CHL1: variants seen among roughly 807,000 people sequenced by gnomAD.
CHL1 encodes the protein cell adhesion molecule L1 like.
Under a neutral mutation model 141.9 loss-of-function variants are expected in CHL1, and 96 were observed. The observed-to-expected ratio is 0.68, with a 90% CI of 0.57 to 0.80. The LOEUF is 0.80. Ranked by LOEUF, CHL1 falls within the 30% of genes least tolerant of loss-of-function variation. The pLI is 0.00. For synonymous variants in CHL1, 613 were observed against 502.2 expected, an observed-to-expected ratio of 1.22 and a Z score of -2.95; for missense variants, 1,820 against 1,457.2, an observed-to-expected ratio of 1.25 and a Z score of -4.05.
chr3:317,690 G>C (rs530043614), intron 2 of CHL1, among the ~76,000 whole-genome samples: 1 of 150,634 alleles, frequency 6.6e-6, no homozygotes, highest in Non-Finnish European at 1.5e-5. Flanking sequence ...AATTCGAAGG[G>C]GCAGGGCATT....
At chr3:215,404 A>G (rs2124935363) in intron 1 of CHL1, among the ~76,000 whole-genome samples, 1 of 152,320 alleles carries the variant, frequency 6.6e-6, no homozygotes, top group East Asian at 1.9e-4. Context: ...TCCGGAATGT[A>G]TCAAGGAGGG....
At chr3:348,358 G>A (rs1702944699) in intron 9 of CHL1, among the ~76,000 whole-genome samples, 1 of 152,138 alleles carries the variant, frequency 6.6e-6, no homozygotes, top group Non-Finnish European at 1.5e-5. Context: ...ATATGGAGAG[G>A]AAAAGTGTTG....
intron 2 of CHL1, among the ~76,000 whole-genome samples, chr3:257,395 C>T (rs1308075979): frequency 7.0e-6 from 1 of 143,782 alleles, no homozygotes; most frequent in African/African-American, 2.6e-5. Flanking sequence ...TCTCTGTAGT[C>T]CAGGCTGGAG....
chr3:384,022 C>T, intron 19 of CHL1, 136 bp downstream of exon 19: 1 of 550,876 alleles, frequency 1.8e-6, no homozygotes, highest in Non-Finnish European at 3.2e-6. Flanking sequence ...ACTTGTGAGT[C>T]ATCATCACAA....
chr3:354,097 C>T (rs1248990399), intron 10 of CHL1, among the ~76,000 whole-genome samples: 2 of 151,974 alleles, frequency 1.3e-5, no homozygotes, highest in African/African-American at 2.4e-5. Context: ...TCTCTCCCCT[C>T]TTACAAAAAA....
intron 2 of CHL1, among the ~76,000 whole-genome samples, chr3:277,791 G>T (rs986102406): frequency 3.3e-5 from 5 of 152,180 alleles, no homozygotes; most frequent in African/African-American, 9.7e-5. Flanking sequence ...ATTGGAAAGA[G>T]AATCAACTCA....
chr3:336,775 A>T (rs1165811374), intron 5 of CHL1, among the ~76,000 whole-genome samples: 1 of 152,166 alleles, frequency 6.6e-6, no homozygotes, highest in Non-Finnish European at 1.5e-5. Flanking sequence ...ATGTTGAAAT[A>T]ATTGGGATGA....
intron 5 of CHL1, among the ~76,000 whole-genome samples, chr3:335,939 A>G (rs1482574500): frequency 1.3e-5 from 2 of 152,212 alleles, no homozygotes; most frequent in Admixed American, 6.5e-5. Context: ...GCCAAGATGT[A>G]TTGAATAATT....
At chr3:356,904 G>A (rs1346762501) in intron 11 of CHL1, among the ~76,000 whole-genome samples, 1 of 152,172 alleles carries the variant, frequency 6.6e-6, no homozygotes, top group Non-Finnish European at 1.5e-5. Flanking sequence ...GCAGAAGAGT[G>A]ACACAATCTA....
intron 2 of CHL1, among the ~76,000 whole-genome samples, chr3:251,645 C>T (rs1693700741): frequency 6.6e-6 from 1 of 152,026 alleles, no homozygotes; most frequent in Non-Finnish European, 1.5e-5. Flanking sequence ...AAATGTAAAG[C>T]TGGAAATTTC....
At chr3:222,872 C>G (rs2124989007) in intron 1 of CHL1, among the ~76,000 whole-genome samples, 1 of 152,172 alleles carries the variant, frequency 6.6e-6, no homozygotes, top group Non-Finnish European at 1.5e-5. Context: ...GGGTGAAATT[C>G]TCTGTGTTTT....
intron 1 of CHL1, among the ~76,000 whole-genome samples, chr3:234,285 TAAA>T (rs1237417118): frequency 6.6e-6 from 1 of 151,924 alleles, no homozygotes; most frequent in African/African-American, 2.4e-5. Context: ...ACTTTTAGAA[TAAA>T]ACAAAACTCC....
chr3:362,969 G>A (rs775220190), intron 13 of CHL1, among the ~76,000 whole-genome samples: 12 of 152,144 alleles, frequency 7.9e-5, no homozygotes, highest in Non-Finnish European at 1.5e-4. Flanking sequence ...ACCGGTGCTG[G>A]TGGCTATGAC....
chr3:241,925 T>G (rs948667543), intron 1 of CHL1, among the ~76,000 whole-genome samples: 2 of 152,132 alleles, frequency 1.3e-5, no homozygotes, highest in Admixed American at 6.6e-5. Context: ...GGGTAAATGC[T>G]TTCTAGAGTA....
chr3:396,163 A>T (rs1371096584), intron 24 of CHL1, among the ~76,000 whole-genome samples: 2 of 152,194 alleles, frequency 1.3e-5, no homozygotes, highest in African/African-American at 4.8e-5. Flanking sequence ...ACACCAAGTG[A>T]AATGAAGAAC....
rs139547860 is a variant in CHL1 at position 342,226 on chromosome 3, T to G, written c.679+144T>G. On this transcript the variant is annotated intron_variant, in intron 7 of 27. Coordinates refer to ENST00000256509, the MANE Select transcript of CHL1 (RefSeq NM_006614.4). ...CTCTGGAGACTTCTTCCAGATGAAA[T>G]AGACATCTGCAGCTGCAGATTCACG... 4.1e-4 allele frequency: 247 copies of G among 607,640 alleles called. 2 individuals are homozygous for G. In the East Asian group the frequency reaches 6.9e-3, roughly 17 times the overall value. The allele number at this position is 607,640 out of a possible 1,614,324, so 37.6% of individuals were successfully genotyped here. A position where few individuals can be genotyped will look rare whatever the true frequency, so the allele number is the denominator to read the frequency against.
chr3:389,799 A>C (rs990263357), intron 20 of CHL1, among the ~76,000 whole-genome samples: 3 of 152,218 alleles, frequency 2.0e-5, no homozygotes, highest in Admixed American at 6.5e-5. Flanking sequence ...TTTCAAGTAC[A>C]TCTGCCCTTT....
chr3:367,020 G>A (rs572267908), intron 15 of CHL1, among the ~76,000 whole-genome samples: 38 of 152,302 alleles, frequency 2.5e-4, no homozygotes, highest in African/African-American at 8.7e-4. Context: ...GTACACCTTT[G>A]AGTCTTCCAA....
At chr3:339,357 T>C (rs1056429796) in intron 5 of CHL1, among the ~76,000 whole-genome samples, 1 of 152,220 alleles carries the variant, frequency 6.6e-6, no homozygotes, top group African/African-American at 2.4e-5. Context: ...GCTCTTAATG[T>C]AGTGAATATA....
Sources: gnomAD v4.1 joint callset for allele counts (sites outside exome capture counted in the v4.1 genomes callset) on GRCh38, gnomAD v4.1.1 for gene constraint, MANE v1.5 for transcripts, NCBI Gene and HGNC (gene_info 2026-07-23, HGNC 2026-07-21) for gene names.